The following MX2 variants were observed in gnomAD, a reference collection of about 807,000 sequenced individuals.
The protein encoded by MX2 is MX dynamin like GTPase 2, also known as interferon-induced GTP-binding protein Mx2.
Under a neutral mutation model 74.0 loss-of-function variants are expected in MX2, and 51 were observed. That is an observed-to-expected ratio of 0.69 (90% CI 0.55 to 0.87). MX2 has a LOEUF of 0.87. Ranked by LOEUF, MX2 falls within the 40% of genes least tolerant of loss-of-function variation. The probability of loss-of-function intolerance (pLI) is 0.00; values close to 1 mark genes in which losing one functional copy is unlikely to be tolerated. For synonymous variants in MX2, 369 were observed against 339.3 expected (o/e 1.09, Z -0.96); for missense variants, 832 against 908.7 (o/e 0.92, Z 1.09).
intron 6 of MX2, 55 bp from the exon 7 acceptor site, chr21:41,395,532 A>C (rs2089722503): frequency 1.3e-5 from 21 of 1,576,494 alleles, no homozygotes; most frequent in Non-Finnish European, 1.7e-5. Context: ...TAGGAGTCAA[A>C]CCTGTTTGAG....
At chr21:41,393,151 A>G (rs2089686240) in intron 6 of MX2, among the ~76,000 whole-genome samples, 1 of 151,792 alleles carries the variant, frequency 6.6e-6, no homozygotes, top group Non-Finnish European at 1.5e-5. Context: ...AAAAGAAAAA[A>G]AAAAGAAAAT....
In MX2 at chr21:41,409,373, A is replaced by G. The variant is rs1470926304; in HGVS notation, c.*1140A>G. On this transcript the variant is annotated 3_prime_UTR_variant, in exon 14 of 14. Transcript: ENST00000330714. ...AAATGATGAACATATAGATTCCTTA[A>G]TAAAAAGGCAATAGAATAAATATCA... 6.6e-6 allele frequency: 1 copy of G among 152,234 alleles called. No individual in the cohort carries two copies. The highest frequency in any genetic ancestry group is 2.4e-5 in the African/African-American group (1 of 41,460). 9.4% of individuals were successfully genotyped at this position (152,234 alleles called of 1,614,324 possible).
chr21:41,373,510 C>T (rs959607537), intron 1 of MX2, among the ~76,000 whole-genome samples: 1 of 152,098 alleles, frequency 6.6e-6, no homozygotes, highest in Admixed American at 6.5e-5. Context: ...AGCCCGAGGC[C>T]CTTTGGAGTT....
At chr21:41,390,852 A>C in intron 6 of MX2, 149 bp downstream of exon 6, 1 of 866,586 alleles carries the variant, frequency 1.2e-6, no homozygotes, top group Non-Finnish European at 1.7e-6. Flanking sequence ...AAAAATACAA[A>C]AAAATTAGTC....
chr21:41,407,189 C>A (rs2089898240), intron 13 of MX2, among the ~76,000 whole-genome samples, 191 bp downstream of exon 13: 1 of 152,194 alleles, frequency 6.6e-6, no homozygotes, highest in Non-Finnish European at 1.5e-5. Context: ...TATGAAGGCA[C>A]TTTTAATTAA....
At chr21:41,372,037 G>C (rs553698747) in intron 1 of MX2, among the ~76,000 whole-genome samples, 4 of 152,312 alleles carry the variant, frequency 2.6e-5, no homozygotes, top group African/African-American at 9.6e-5. Context: ...TTAGAAGAAG[G>C]ACCCTCCAGG....
intron 1 of MX2, among the ~76,000 whole-genome samples, chr21:41,373,478 C>T (rs2089353276): frequency 6.6e-6 from 1 of 152,142 alleles, no homozygotes. Context: ...TGCCAGGGCC[C>T]TCCAGGCTGC....
At chr21:41,397,917 A>C (rs993304582) in intron 8 of MX2, among the ~76,000 whole-genome samples, 2 of 152,102 alleles carry the variant, frequency 1.3e-5, no homozygotes, top group African/African-American at 4.8e-5. Context: ...AACAGGGGGG[A>C]AAAAGAAGAG....
chr21:41,362,443 G>C (rs754271237), intron 1 of MX2, among the ~76,000 whole-genome samples: 1 of 152,124 alleles, frequency 6.6e-6, no homozygotes, highest in Non-Finnish European at 1.5e-5. Context: ...GGTTTCAAGT[G>C]TTCCTTCTTT....
In MX2 at chr21:41,377,818, C is replaced by T. The variant is rs141204210; in HGVS notation, c.279C>T (p.Tyr93=). 1.9e-4 allele frequency: 303 copies of T among 1,613,706 alleles called. 3 individuals are homozygous for T. In the African/African-American group the frequency reaches 3.3e-3, roughly 17 times the overall value. The change falls in exon 3 of 14, where the codon TAC becomes TAT. Residue 93 remains tyrosine, a synonymous_variant. Transcript: ENST00000330714. ...MGPENNLYSQ[Y]EQKVRPCIDL... ...CCGAGAACAACCTGTACAGCCAGTA[C>T]GAGCAGAAGGTGCGCCCCTGCATTG...
intron 1 of MX2, among the ~76,000 whole-genome samples, chr21:41,369,666 T>C (rs2089298196): frequency 6.6e-6 from 1 of 152,146 alleles, no homozygotes; most frequent in Non-Finnish European, 1.5e-5. Flanking sequence ...TCTGGGACTC[T>C]GGTGCCCCTG....
chr21:41,390,239 A>C, intron 5 of MX2: 1 of 299,228 alleles, frequency 3.3e-6, no homozygotes, highest in South Asian at 3.7e-5. Flanking sequence ...CGCACAAGTC[A>C]CTCTAATAGA....
intron 1 of MX2, chr21:41,364,870 ATTCTAGCTTTGCT>A (rs1033513828): frequency 1.2e-4 from 19 of 152,300 alleles, no homozygotes; most frequent in African/African-American, 4.6e-4. Flanking sequence ...CCTGCTTTAT[ATTCTAGCTTTGCT>A]GACAGCTGAT....
Position 41,381,878 on chromosome 21 carries a change from A to G in MX2, c.578-532A>G, listed in dbSNP as rs113994789. On this transcript the variant is annotated intron_variant, in intron 4 of 13. Coordinates refer to ENST00000330714, the MANE Select transcript of MX2 (RefSeq NM_002463.2). Reference sequence around the variant, plus strand: ...ACTTCCTTACCTTGTGGACTTCTCCATAGCTACTTAGTGTCCCTGTGACAT... The same window carrying G: ...ACTTCCTTACCTTGTGGACTTCTCCGTAGCTACTTAGTGTCCCTGTGACAT... 7.2e-3 allele frequency among the ~76,000 whole-genome samples: 1,101 copies of G among 152,258 alleles called. 18 individuals carry two copies. Among genetic ancestry groups the G allele is most frequent in the African/African-American group, 0.025 (1,039 of 41,544 alleles).
chr21:41,385,514 C>T (rs937802339), intron 5 of MX2, among the ~76,000 whole-genome samples: 1 of 152,216 alleles, frequency 6.6e-6, no homozygotes, highest in Admixed American at 6.5e-5. Flanking sequence ...TGCCTTTGCT[C>T]CTCCCTTCCA....
intron 5 of MX2, among the ~76,000 whole-genome samples, chr21:41,385,878 G>A (rs901438322): frequency 2.6e-5 from 4 of 152,010 alleles, no homozygotes; most frequent in African/African-American, 9.7e-5. Flanking sequence ...TAATGAAAAA[G>A]TTGGAAATAG....
chr21:41,399,085 C>T, intron 9 of MX2, 66 bp downstream of exon 9: 2 of 1,595,970 alleles, frequency 1.3e-6, no homozygotes, highest in Non-Finnish European at 1.7e-6. Flanking sequence ...AGCTGCCCTT[C>T]CCCTTCTTCA....
chr21:41,380,203 C>T lies in MX2; in HGVS notation c.577+52C>T, dbSNP rs369363043. 1.9e-6 allele frequency: 3 copies of T among 1,608,592 alleles called. No homozygotes were observed. Among genetic ancestry groups the T allele is most frequent in the African/African-American group, 2.7e-5 (2 of 74,802 alleles). On this transcript the variant is annotated intron_variant, in intron 4 of 13. Transcript: ENST00000330714. The surrounding 1 kb of genome is among the most constrained non-coding windows in gnomAD (Gnocchi z 4.3). ...GATCTGGCAGCCGCTCCTCTCACTT[C>T]CTCGGTTCCTTCTCCTCTTCCTCAA...
Position 41,376,857 on chromosome 21 carries a change from GT to G in MX2, c.-49del. On this transcript the variant is annotated 5_prime_UTR_variant, in exon 2 of 14. Coordinates refer to ENST00000330714, the MANE Select transcript of MX2 (RefSeq NM_002463.2). ...GCAGAGCTTGTCAGGAAGATCGGAG[GT>G]GCCAAGTAGCAGAGAAAGCATCCCC... 2 of 1,601,322 alleles carry G rather than the reference GT, an allele frequency of 1.2e-6. No individual in the cohort carries two copies. The highest frequency in any genetic ancestry group is 1.7e-6 in the Non-Finnish European group (2 of 1,172,746).
Sources: gnomAD v4.1 joint callset for allele counts (sites outside exome capture counted in the v4.1 genomes callset) on GRCh38, gnomAD v4.1.1 for gene constraint, Gnocchi (gnomAD v3.1) non-coding constraint, MANE v1.5 for transcripts, NCBI Gene and HGNC (gene_info 2026-07-23, HGNC 2026-07-21) for gene names.